Variants in SLC25A40 observed in about 807,000 individuals in gnomAD.
SLC25A40 encodes the protein solute carrier family 25 member 40.
Under a neutral mutation model 46.5 loss-of-function variants are expected in SLC25A40, and 41 were observed. The observed-to-expected ratio is 0.88, with a 90% CI of 0.69 to 1.14. SLC25A40 has a LOEUF of 1.14. SLC25A40 is among the 50% of genes most tolerant of loss of function. SLC25A40 has a pLI of 0.00. For missense variants in SLC25A40, 386 were observed against 393.6 expected (o/e 0.98, Z 0.16); for synonymous variants, 126 against 127.5 (o/e 0.99, Z 0.08).
intron 3 of SLC25A40, among the ~76,000 whole-genome samples, chr7:87,857,299 G>A (rs1474790151): frequency 6.6e-6 from 1 of 152,162 alleles, no homozygotes; most frequent in African/African-American, 2.4e-5. Context: ...TGGGGAATCA[G>A]AAAAGTTTAA....
intron 1 of SLC25A40, among the ~76,000 whole-genome samples, chr7:87,868,812 T>C (rs1838847669): frequency 6.6e-6 from 1 of 152,174 alleles, no homozygotes; most frequent in Non-Finnish European, 1.5e-5. Flanking sequence ...GTAGGCCTAC[T>C]TAATTAAACC....
At chr7:87,874,557 A>C (rs1185100323) in intron 1 of SLC25A40, among the ~76,000 whole-genome samples, 1 of 152,156 alleles carries the variant, frequency 6.6e-6, no homozygotes. Flanking sequence ...GAAACGCCAA[A>C]ATCAAATACT....
chr7:87,856,169 T>G lies in SLC25A40; in HGVS notation c.157+123A>C, dbSNP rs1838610590. On this transcript the variant is annotated intron_variant, in intron 4 of 11. Transcript: ENST00000341119. Reference sequence around the variant, plus strand: ...ACAACTAAATGGTGAAAAAAAAAGTTTTTCATGAGGATAAAGAGGCATCAA... The same window carrying G: ...ACAACTAAATGGTGAAAAAAAAAGTGTTTCATGAGGATAAAGAGGCATCAA... 2.4e-5 allele frequency: 21 copies of G among 858,000 alleles called. No homozygotes were observed. In the South Asian group the frequency reaches 3.5e-4, roughly 14 times the overall value. The allele number at this position is 858,000 out of a possible 1,614,324, so 53.1% of individuals were successfully genotyped here. A position where few individuals can be genotyped will look rare whatever the true frequency, so the allele number is the denominator to read the frequency against.
intron 1 of SLC25A40, among the ~76,000 whole-genome samples, chr7:87,865,879 GA>G (rs1271359611): frequency 6.6e-6 from 1 of 152,008 alleles, no homozygotes; most frequent in African/African-American, 2.4e-5. Context: ...CCCAGGAGTT[GA>G]AGACCAGCAT....
In SLC25A40 at chr7:87,836,376, G is replaced by A; in HGVS notation, c.905-15C>T. 1.4e-6 allele frequency: 2 copies of A among 1,421,504 alleles called. No individual in the cohort carries two copies. Among genetic ancestry groups the A allele is most frequent in the Non-Finnish European group, 1.9e-6 (2 of 1,066,526 alleles). 88.1% of individuals were successfully genotyped at this position (1,421,504 alleles called of 1,614,324 possible). A position where few individuals can be genotyped will look rare whatever the true frequency, so the allele number is the denominator to read the frequency against. ...AGGAATTAGGCCTGAGAAAAGAATA[G>A]GAATAATCAAAACAAATATTTTTTT... On this transcript the variant is annotated splice_polypyrimidine_tract_variant and intron_variant, in intron 11 of 11. Coordinates refer to ENST00000341119, the MANE Select transcript of SLC25A40 (RefSeq NM_018843.4).
rs2131010570 is a variant in SLC25A40 at position 87,856,284 on chromosome 7, A to G, written c.157+8T>C. 6.2e-7 allele frequency: 1 copy of G among 1,607,608 alleles called. No individual in the cohort carries two copies. Among genetic ancestry groups the G allele is most frequent in the Non-Finnish European group, 8.5e-7 (1 of 1,174,944 alleles). On this transcript the variant is annotated splice_region_variant and intron_variant, in intron 4 of 11. Coordinates refer to ENST00000341119, the MANE Select transcript of SLC25A40 (RefSeq NM_018843.4). ...ACATAACATTTTTAGGGCAATTAGT[A>G]CACATACCTTTGGGGAGTGGGTTGT...
At chr7:87,871,900 T>C (rs1270201513) in intron 1 of SLC25A40, among the ~76,000 whole-genome samples, 2 of 152,236 alleles carry the variant, frequency 1.3e-5, no homozygotes, top group Non-Finnish European at 1.5e-5. Context: ...CTTTGACAGT[T>C]AGTGTACTTC....
chr7:87,871,868 A>G (rs1838900705), intron 1 of SLC25A40, among the ~76,000 whole-genome samples: 1 of 152,214 alleles, frequency 6.6e-6, no homozygotes, highest in African/African-American at 2.4e-5. Flanking sequence ...AAGAATATTT[A>G]GGTTATTTCT....
intron 10 of SLC25A40, among the ~76,000 whole-genome samples, chr7:87,838,238 T>A (rs1018174011): frequency 1.3e-5 from 2 of 151,514 alleles, no homozygotes; most frequent in Admixed American, 1.3e-4. Flanking sequence ...TTTTACTTCA[T>A]GTTTAAATTA....
rs1562740249 is a variant in SLC25A40 at position 87,836,160 on chromosome 7, T to C, written c.*89A>G. On this transcript the variant is annotated 3_prime_UTR_variant, in exon 12 of 12. Coordinates refer to ENST00000341119, the MANE Select transcript of SLC25A40 (RefSeq NM_018843.4). ...TATAGGAAAGAAAGACATAAAATCA[T>C]TGTGAGAGAATAATGGTGAAAAACA... is the stretch of plus-strand genomic sequence containing the variant. The C allele has an allele frequency of 1.0e-5, 7 of 699,138 alleles. No homozygotes were observed. The highest frequency in any genetic ancestry group is 1.7e-5 in the Non-Finnish European group (7 of 416,906). 43.3% of individuals were successfully genotyped at this position (699,138 alleles called of 1,614,324 possible).
intron 9 of SLC25A40, among the ~76,000 whole-genome samples, chr7:87,842,559 A>G (rs1283801939): frequency 2.6e-5 from 4 of 152,034 alleles, no homozygotes; most frequent in African/African-American, 9.7e-5. Context: ...AGCTTCAAAG[A>G]TTTCAGGTAA....
intron 8 of SLC25A40, 140 bp from the exon 9 acceptor site, chr7:87,844,003 G>A (rs1562742644): frequency 2.3e-6 from 3 of 1,317,174 alleles, no homozygotes; most frequent in Non-Finnish European, 2.9e-6. Flanking sequence ...ACACCCACTA[G>A]GGTGGGATTT....
At chr7:87,874,253 T>C (rs1359230251) in intron 1 of SLC25A40, among the ~76,000 whole-genome samples, 5 of 152,240 alleles carry the variant, frequency 3.3e-5, no homozygotes, top group Non-Finnish European at 7.3e-5. Context: ...ACTATGTTAC[T>C]GTCCTTCCTC....
At chr7:87,839,426 GT>G (rs68001577) in intron 10 of SLC25A40, among the ~76,000 whole-genome samples, 21,692 of 144,364 alleles carry the variant, frequency 0.15, 2,493 homozygotes, top group African/African-American at 0.33. Context: ...CTTGAGTAGT[GT>G]TTTTTTTTTT....
At chr7:87,852,319 C>T (rs186129842) in intron 5 of SLC25A40, among the ~76,000 whole-genome samples, 4 of 152,228 alleles carry the variant, frequency 2.6e-5, no homozygotes, top group East Asian at 1.9e-4. Flanking sequence ...CTGTGTCTCA[C>T]GCCGGTATCT....
intron 2 of SLC25A40, chr7:87,860,133 G>A (rs1838675046): frequency 6.6e-6 from 1 of 152,098 alleles, no homozygotes; most frequent in Admixed American, 6.5e-5. Context: ...GGAGGCAGAA[G>A]TTGCAATGAG....
chr7:87,835,370 C>T lies in SLC25A40; in HGVS notation c.*879G>A, dbSNP rs1838241458. On this transcript the variant is annotated 3_prime_UTR_variant, in exon 12 of 12. Coordinates refer to ENST00000341119, the MANE Select transcript of SLC25A40 (RefSeq NM_018843.4). ...GTAGCAATAATCTGTCTTGTTAGAACAACACAATAAAAATGACCTAGAGAA... is the reference window on the plus strand; with the variant it reads ...GTAGCAATAATCTGTCTTGTTAGAATAACACAATAAAAATGACCTAGAGAA... The T allele has an allele frequency of 6.6e-6, 1 of 151,438 alleles. No homozygotes were observed. Among genetic ancestry groups the T allele is most frequent in the Non-Finnish European group, 1.5e-5 (1 of 67,646 alleles). The allele number at this position is 151,438 out of a possible 1,614,324, so 9.4% of individuals were successfully genotyped here. A position where few individuals can be genotyped will look rare whatever the true frequency, so the allele number is the denominator to read the frequency against.
Position 87,841,653 on chromosome 7 carries a change from C to T in SLC25A40, c.803G>A (p.Trp268Ter). Residue 268 changes from tryptophan to a stop codon, truncating the protein, a stop_gained, in exon 10 of 12, where the codon TGG (tryptophan) becomes TAG (stop). Coordinates refer to ENST00000341119, the MANE Select transcript of SLC25A40 (RefSeq NM_018843.4). LOFTEE classifies it high-confidence loss of function. ...CTTACTTTTATGACTTTCATATGTC[C>T]AAAGTTGTGTCTGCTTTTGTGTTTT... ...VVKTQKQTQL[W>*]TYESHKISMP... 6.6e-7 allele frequency: 1 copy of T among 1,519,054 alleles called. No individual in the cohort carries two copies. Among genetic ancestry groups the T allele is most frequent in the Non-Finnish European group, 8.8e-7 (1 of 1,132,158 alleles). The allele number at this position is 1,519,054 out of a possible 1,614,324, so 94.1% of individuals were successfully genotyped here. A position where few individuals can be genotyped will look rare whatever the true frequency, so the allele number is the denominator to read the frequency against.
intron 10 of SLC25A40, among the ~76,000 whole-genome samples, chr7:87,838,687 G>C (rs976287920): frequency 1.3e-5 from 2 of 150,714 alleles, no homozygotes; most frequent in Non-Finnish European, 3.0e-5. Flanking sequence ...TCTTTCTCAT[G>C]CATTTGTTTA....
Sources: gnomAD v4.1 joint callset for allele counts (sites outside exome capture counted in the v4.1 genomes callset) on GRCh38, gnomAD v4.1.1 for gene constraint, MANE v1.5 for transcripts, NCBI Gene and HGNC (gene_info 2026-07-23, HGNC 2026-07-21) for gene names.